The following RNFT1 variants were observed in gnomAD, a reference collection of about 807,000 sequenced individuals.
The protein encoded by RNFT1 is E3 ubiquitin-protein ligase RNFT1.
RNFT1 carries 35 observed loss-of-function variants against 53.2 expected under a neutral mutation model. The observed-to-expected ratio is 0.66, with a 90% CI of 0.50 to 0.87. RNFT1 has a LOEUF of 0.87. RNFT1 is among the 40% of genes least tolerant of loss of function. The pLI, the probability that RNFT1 is intolerant of heterozygous loss-of-function variation, is 0.00. For synonymous variants in RNFT1, 141 were observed against 172.8 expected (o/e 0.82, Z 1.44); for missense variants, 421 against 515.0 (o/e 0.82, Z 1.77).
chr17:59,958,479 A>T, intron 4 of RNFT1, 35 bp from the exon 5 acceptor site: 1 of 1,455,904 alleles, frequency 6.9e-7, no homozygotes. Flanking sequence ...TTATCAGAGC[A>T]ACATACAAAG....
At position 59,952,813 on chromosome 17, in the gene RNFT1, G is replaced by A. The variant is rs1327312083; in HGVS notation, c.*164C>T. The A allele has an allele frequency of 1.8e-6, 1 of 559,118 alleles. No homozygotes were observed. Among genetic ancestry groups the A allele is most frequent in the Non-Finnish European group, 3.1e-6 (1 of 323,818 alleles). 34.6% of individuals were successfully genotyped at this position (559,118 alleles called of 1,614,324 possible). On this transcript the variant is annotated 3_prime_UTR_variant, in exon 9 of 9. Transcript: ENST00000305783. ...ACATTATATATATTTTAAAACACAG[G>A]GTGGTTTCATTTAATCTTTTGGTGA...
chr17:59,955,530 T>C (rs2045248530), intron 7 of RNFT1, among the ~76,000 whole-genome samples: 1 of 152,168 alleles, frequency 6.6e-6, no homozygotes, highest in Non-Finnish European at 1.5e-5. Context: ...AGACCAATTA[T>C]AGTAAAATGG....
rs775964365 is a variant in RNFT1 at position 59,963,046 on chromosome 17, T to C, written c.295A>G (p.Ile99Val). The C allele has an allele frequency of 1.2e-6, 2 of 1,614,248 alleles. No homozygotes were observed. Among genetic ancestry groups the C allele is most frequent in the Admixed American group, 3.3e-5 (2 of 60,034 alleles). ...ECAENASSRN[I>V]RSGVHSCAHG... ...GCACAGCTATGGACACCTGACCTTA[T>C]ATTTCTGGAGCTTGCATTTTCTGCA... is the stretch of plus-strand genomic sequence containing the variant. The change falls in exon 2 of 9, where the codon ATA (isoleucine) becomes GTA (valine). Residue 99 changes from isoleucine (I) to valine (V), a missense_variant. Ile to Val is a conservative substitution (Grantham distance 29). Transcript: ENST00000305783.
At position 59,952,949 on chromosome 17, in the gene RNFT1, A is replaced by G. The variant is rs751992695; in HGVS notation, c.*28T>C. ...GTCATTATGACCAAATGACATTAGT[A>G]TTTTGTGGCCTTGATAGTTTATACA... On this transcript the variant is annotated 3_prime_UTR_variant, in exon 9 of 9. Coordinates refer to ENST00000305783, the MANE Select transcript of RNFT1 (RefSeq NM_016125.4). The G allele has an allele frequency of 1.5e-5, 24 of 1,604,492 alleles. No individual in the cohort carries two copies. The highest frequency in any genetic ancestry group is 4.0e-5 in the African/African-American group (3 of 74,686).
rs749165739 is a variant in RNFT1, at chr17:59,956,470, C to G, written c.1071+18G>C. 6.3e-7 allele frequency: 1 copy of G among 1,589,612 alleles called. No individual in the cohort carries two copies. Among genetic ancestry groups the G allele is most frequent in the African/African-American group, 1.3e-5 (1 of 74,098 alleles). ...AGAAAGGTGAAGGTGTTTTTCTTAACTGATAAAAAGTACTTACTGGTTGTG... is the reference window on the plus strand; with the variant it reads ...AGAAAGGTGAAGGTGTTTTTCTTAAGTGATAAAAAGTACTTACTGGTTGTG... On this transcript the variant is annotated intron_variant, in intron 7 of 8. Coordinates refer to ENST00000305783, the MANE Select transcript of RNFT1 (RefSeq NM_016125.4).
Position 59,957,344 on chromosome 17 carries a change from G to A in RNFT1, c.885C>T (p.Tyr295=), listed in dbSNP as rs1427574276. 3.1e-6 allele frequency: 5 copies of A among 1,613,666 alleles called. No individual in the cohort carries two copies. Among genetic ancestry groups the A allele is most frequent in the Non-Finnish European group, 3.4e-6 (4 of 1,179,932 alleles). ...WYMLLEELCQ[Y]YRTFVPIPVW... ...CTGGTATGGGAACAAAAGTTCGGTA[G>A]TATTGACACAATTCTTCTAAAAGCA... is the stretch of plus-strand genomic sequence containing the variant. Residue 295 remains tyrosine, a synonymous_variant, in exon 6 of 9, where the codon TAC becomes TAT. Coordinates refer to ENST00000305783, the MANE Select transcript of RNFT1 (RefSeq NM_016125.4).
At position 59,964,694 on chromosome 17, in the gene RNFT1, T is replaced by C. The variant is rs557754493; in HGVS notation, c.-31A>G. On this transcript the variant is annotated 5_prime_UTR_variant, in exon 1 of 9. It removes an upstream start codon present in the reference 5' UTR. Coordinates refer to ENST00000305783, the MANE Select transcript of RNFT1 (RefSeq NM_016125.4). ...GCCTCCAGCCCTTCAGTCGGGGCCA[T>C]CAACCGCAAACCCCGCAAGCTCTTC... is the stretch of plus-strand genomic sequence containing the variant. The C allele has an allele frequency of 2.5e-6, 4 of 1,582,808 alleles. No individual in the cohort carries two copies. The African/African-American group carries it at 5.4e-5, about 21-fold the overall frequency.
At chr17:59,959,979 C>T (rs1377780092) in intron 4 of RNFT1, 89 bp downstream of exon 4, 1 of 1,198,030 alleles carries the variant, frequency 8.3e-7, no homozygotes, top group South Asian at 1.7e-5. Context: ...GAACTGAATA[C>T]AATAAGTACT....
intron 1 of RNFT1, among the ~76,000 whole-genome samples, chr17:59,964,059 A>G (rs2045316231): frequency 6.6e-6 from 1 of 152,174 alleles, no homozygotes; most frequent in Non-Finnish European, 1.5e-5. Flanking sequence ...GTGTGAGGAA[A>G]GAGGACTCTA....
At position 59,958,396 on chromosome 17, in the gene RNFT1, T is replaced by C. The variant is rs938203878; in HGVS notation, c.741A>G (p.Val247=). The change falls in exon 5 of 9, where the codon GTA becomes GTG. Residue 247 remains valine, a synonymous_variant. Coordinates refer to ENST00000305783, the MANE Select transcript of RNFT1 (RefSeq NM_016125.4). The part of the protein sequence containing the change: ...PTLDHLSFWE[V]FWIVGITDFI... The stretch of plus-strand genomic sequence containing the variant: ...AGTCTGTAATTCCAACAATCCAAAA[T>C]ACTTCCCAGAAGCTCAAATGGTCCA... 20 of 1,601,200 alleles carry C rather than the reference T, an allele frequency of 1.2e-5. No homozygotes were observed. Among genetic ancestry groups the C allele is most frequent in the Non-Finnish European group, 5.1e-6 (6 of 1,176,906 alleles).
At chr17:59,953,190 CTTTT>C (rs34068842) in intron 8 of RNFT1, 79 bp from the exon 9 acceptor site, 1,091 of 774,014 alleles carry the variant, frequency 1.4e-3, no homozygotes, top group South Asian at 1.7e-3. Flanking sequence ...GAAAGGGATT[CTTTT>C]TTTTTTTTTT....
chr17:59,960,437 C>CAAAAAAA (rs11406596), intron 3 of RNFT1, among the ~76,000 whole-genome samples: 6 of 68,278 alleles, frequency 8.8e-5, no homozygotes, highest in African/African-American at 1.3e-4. Context: ...AGTCTTCTCT[C>CAAAAAAA]AAAAAAAAAA....
Position 59,957,264 on chromosome 17 carries a change from C to T in RNFT1, c.965G>A (p.Ser322Asn). ...YGEFGNVTRW[S>N]LGILLALLYL... ...GAGTAAAGCCAGCAGTATCCCAAGACTCCATCTAGTTACGTTACCAAACTC... is the reference window on the plus strand; with the variant it reads ...GAGTAAAGCCAGCAGTATCCCAAGATTCCATCTAGTTACGTTACCAAACTC... Residue 322 changes from serine to asparagine, a missense_variant, in exon 6 of 9, where the codon AGT becomes AAT. By Grantham distance (46) the Ser-to-Asn change is conservative. Transcript: ENST00000305783. 2.5e-6 allele frequency: 4 copies of T among 1,613,848 alleles called. No individual in the cohort carries two copies. The highest frequency in any genetic ancestry group is 1.1e-5 in the South Asian group (1 of 91,028).
chr17:59,961,686 C>T (rs1048235124), intron 3 of RNFT1, among the ~76,000 whole-genome samples: 6 of 151,858 alleles, frequency 4.0e-5, no homozygotes, highest in Admixed American at 2.0e-4. Context: ...AAGCAATTCT[C>T]CTGCCTCAGC....
Position 59,957,390 on chromosome 17 carries a change from A to G in RNFT1, c.847-8T>C. ...AAGCATATACCAGTAACCCTAAAAA[A>G]TAAGAAGAAAACAAATAGAGCTACC... On this transcript the variant is annotated splice_polypyrimidine_tract_variant and splice_region_variant and intron_variant, in intron 5 of 8. Transcript: ENST00000305783. 1 of 1,601,626 alleles carries G rather than the reference A, an allele frequency of 6.2e-7. No homozygotes were observed. The highest frequency in any genetic ancestry group is 2.2e-5 in the East Asian group (1 of 44,784).
In RNFT1 at chr17:59,963,151, G is replaced by A; in HGVS notation, c.190C>T (p.His64Tyr). Residue 64 changes from histidine to tyrosine, a missense_variant, in exon 2 of 9, where the codon CAC becomes TAC. By Grantham distance (83) the His-to-Tyr change is moderately conservative. Transcript: ENST00000305783. ...SEDASTPQCV[H>Y]TRLTGEGSCP... Reference sequence around the variant, plus strand: ...GAACCCTCTCCTGTCAATCTTGTGTGGACACACTGAGGGGTTGAGGCATCC... The same window carrying A: ...GAACCCTCTCCTGTCAATCTTGTGTAGACACACTGAGGGGTTGAGGCATCC... The A allele has an allele frequency of 6.2e-7, 1 of 1,614,188 alleles. No homozygotes were observed. Among genetic ancestry groups the A allele is most frequent in the Non-Finnish European group, 8.5e-7 (1 of 1,180,040 alleles).
At chr17:59,953,701 T>TA (rs2045235980) in intron 8 of RNFT1, among the ~76,000 whole-genome samples, 1 of 152,224 alleles carries the variant, frequency 6.6e-6, no homozygotes, top group Non-Finnish European at 1.5e-5. Flanking sequence ...GTCTTTGAGT[T>TA]ACTAGTAACT....
rs551384774 is a variant in RNFT1, at chr17:59,958,381, T to C, written c.756A>G (p.Gly252=). The C allele has an allele frequency of 6.2e-7, 1 of 1,604,240 alleles. No homozygotes were observed. The highest frequency in any genetic ancestry group is 1.3e-5 in the African/African-American group (1 of 74,408). Residue 252 remains glycine, a synonymous_variant, in exon 5 of 9, where the codon GGA becomes GGG. Transcript: ENST00000305783. ...LSFWEVFWIV[G]ITDFILKFFF... ...AGAATTTCAGAATGAAGTCTGTAAT[T>C]CCAACAATCCAAAATACTTCCCAGA...
At chr17:59,954,566 C>T (rs763553365) in intron 7 of RNFT1, among the ~76,000 whole-genome samples, 3 of 152,182 alleles carry the variant, frequency 2.0e-5, no homozygotes, top group Non-Finnish European at 4.4e-5. Context: ...TTGAATGTAA[C>T]TCATGTGGAA....
Sources: allele counts gnomAD v4.1 joint callset (sites outside exome capture counted in the v4.1 genomes callset), GRCh38; gene constraint gnomAD v4.1.1; transcripts MANE v1.5; gene names NCBI Gene and HGNC (gene_info 2026-07-23, HGNC 2026-07-21).